ACTR3C: variants seen among roughly 807,000 people sequenced by gnomAD.
The protein encoded by ACTR3C is actin related protein 3C, also known as actin-related protein 3C.
ACTR3C carries 18 observed loss-of-function variants against 26.3 expected under a neutral mutation model. The observed-to-expected ratio is 0.68, with a 90% CI of 0.47 to 1.01. ACTR3C has a LOEUF of 1.01. Ranked by LOEUF, ACTR3C falls within the 50% of genes least tolerant of loss-of-function variation. The pLI is 0.00. For synonymous variants in ACTR3C, 55 were observed against 94.5 expected (o/e 0.58, Z 2.42); for missense variants, 184 against 250.7 (o/e 0.73, Z 1.80).
chr7:149,888,215 AC>A, the ACTR3C span, among the ~76,000 whole-genome samples: 60,328 of 151,914 alleles, frequency 0.4, 12,693 homozygotes, highest in East Asian at 0.62. Context: ...TTCTTTGTCC[AC>A]CCCCCTATTA....
the ACTR3C span, among the ~76,000 whole-genome samples, chr7:149,972,218 A>G: frequency 6.6e-6 from 1 of 152,208 alleles, no homozygotes; most frequent in African/African-American, 2.4e-5. Context: ...TCCATATTCA[A>G]CCAATTGCTC....
At chr7:150,163,845 C>T in the ACTR3C span, among the ~76,000 whole-genome samples, 1 of 152,010 alleles carries the variant, frequency 6.6e-6, no homozygotes, top group Non-Finnish European at 1.5e-5. Context: ...CTGAAAGATG[C>T]CCCAATGGAT....
chr7:149,941,391 T>C, the ACTR3C span, among the ~76,000 whole-genome samples: 1 of 152,332 alleles, frequency 6.6e-6, no homozygotes, highest in South Asian at 2.1e-4. Flanking sequence ...GACACACAGC[T>C]ACTCACTCCC....
At chr7:149,990,117 T>C in the ACTR3C span, among the ~76,000 whole-genome samples, 1 of 152,074 alleles carries the variant, frequency 6.6e-6, no homozygotes, top group Non-Finnish European at 1.5e-5. Context: ...CAGCCTCTTT[T>C]CTCTCCAGGG....
chr7:149,904,414 C>A, the ACTR3C span, among the ~76,000 whole-genome samples: 1 of 151,030 alleles, frequency 6.6e-6, no homozygotes, highest in African/African-American at 2.4e-5. Context: ...CCTGTAGTCC[C>A]AACTACTCGG....
At chr7:150,283,840 G>A (rs1480022933) in intron 6 of ACTR3C, among the ~76,000 whole-genome samples, 3 of 149,976 alleles carry the variant, frequency 2.0e-5, no homozygotes, top group African/African-American at 7.6e-5. Flanking sequence ...AGCTGACGGC[G>A]CGACTCACTC....
rs1212017128 is a variant in ACTR3C, at chr7:150,247,314, G to C, written c.*294C>G. ...GAGATTTGATGAAATTATTCACCCA[G>C]ATGTAAGTGTCGGTATGTTATTAAT... On this transcript the variant is annotated 3_prime_UTR_variant, in exon 8 of 8. Transcript: ENST00000683684. 2.0e-5 allele frequency: 3 copies of C among 152,188 alleles called. No individual in the cohort carries two copies. The highest frequency in any genetic ancestry group is 4.4e-5 in the Non-Finnish European group (3 of 68,040). 9.4% of individuals were successfully genotyped at this position (152,188 alleles called of 1,614,324 possible).
At chr7:150,305,737 T>C (rs1795763435) in intron 1 of ACTR3C, among the ~76,000 whole-genome samples, 1 of 152,152 alleles carries the variant, frequency 6.6e-6, no homozygotes, top group African/African-American at 2.4e-5. Flanking sequence ...TCCCAGGTGC[T>C]CAGTCCACAT....
At chr7:150,105,284 G>A in the ACTR3C span, among the ~76,000 whole-genome samples, 2 of 151,548 alleles carry the variant, frequency 1.3e-5, no homozygotes, top group African/African-American at 4.9e-5. Context: ...GGGTTTCACC[G>A]TGTTAGACAG....
the ACTR3C span, among the ~76,000 whole-genome samples, chr7:150,085,063 G>T: frequency 6.6e-6 from 1 of 152,186 alleles, no homozygotes; most frequent in South Asian, 2.1e-4. Flanking sequence ...TGGGTTGGTG[G>T]TGGTGCCATT....
chr7:150,282,739 G>A (rs1479999880), intron 6 of ACTR3C, among the ~76,000 whole-genome samples: 14 of 134,744 alleles, frequency 1.0e-4, no homozygotes, highest in Non-Finnish European at 1.5e-4. Context: ...TAATCTTGCC[G>A]GCTATGGTGG....
chr7:150,018,277 C>G, the ACTR3C span, among the ~76,000 whole-genome samples: 10 of 149,136 alleles, frequency 6.7e-5, 1 homozygote, highest in African/African-American at 1.0e-4. Flanking sequence ...ATCTCCTGAC[C>G]GTGTGATACA....
chr7:149,898,136 G>A, the ACTR3C span, among the ~76,000 whole-genome samples: 2 of 152,150 alleles, frequency 1.3e-5, no homozygotes, highest in Non-Finnish European at 2.9e-5. Flanking sequence ...AATGAGAAGT[G>A]AAGAGGACAT....
the ACTR3C span, among the ~76,000 whole-genome samples, chr7:150,209,742 C>CAT: frequency 1.2e-4 from 18 of 150,950 alleles, no homozygotes; most frequent in Admixed American, 5.3e-4. Flanking sequence ...CACACACACA[C>CAT]ACACACACAC....
the ACTR3C span, among the ~76,000 whole-genome samples, chr7:149,900,757 G>A: frequency 2.0e-3 from 299 of 152,226 alleles, 5 homozygotes; most frequent in South Asian, 0.037. Context: ...GAAATGGGGG[G>A]CCAGGCACAG....
chr7:150,222,504 A>G, the ACTR3C span, among the ~76,000 whole-genome samples: 1 of 152,130 alleles, frequency 6.6e-6, no homozygotes, highest in Non-Finnish European at 1.5e-5. Context: ...ATTTACAGAC[A>G]CTATTGCTCA....
chr7:150,164,538 A>C, the ACTR3C span, among the ~76,000 whole-genome samples: 24 of 152,036 alleles, frequency 1.6e-4, no homozygotes, highest in Middle Eastern at 3.4e-3. Flanking sequence ...AAGAATTATA[A>C]TTTTATTTCC....
At chr7:150,207,031 A>T in the ACTR3C span, among the ~76,000 whole-genome samples, 1 of 152,232 alleles carries the variant, frequency 6.6e-6, no homozygotes, top group African/African-American at 2.4e-5. Flanking sequence ...AACAGAAGTA[A>T]ACATAGAAAA....
intron 1 of ACTR3C, among the ~76,000 whole-genome samples, chr7:150,308,380 G>A (rs145143681): frequency 1.4e-4 from 21 of 152,210 alleles, no homozygotes; most frequent in African/African-American, 5.1e-4. Flanking sequence ...ATACAAGCTC[G>A]ACAATGGTTC....
Sources: allele counts gnomAD v4.1 joint callset (sites outside exome capture counted in the v4.1 genomes callset), GRCh38; gene constraint gnomAD v4.1.1; transcripts MANE v1.5; gene names NCBI Gene and HGNC (gene_info 2026-07-23, HGNC 2026-07-21).